Variants in NBAS observed in about 807,000 individuals in gnomAD.
NBAS encodes the protein NBAS subunit of NRZ tethering complex.
A neutral mutation model predicts 302.5 loss-of-function variants in NBAS; 219 were observed. The observed-to-expected ratio is 0.72, with a 90% CI of 0.65 to 0.81. The LOEUF (loss-of-function observed/expected upper bound fraction) is 0.81, where lower values mean the gene tolerates loss of function less well. Among genes scored for constraint, NBAS ranks in the 30% least tolerant of loss-of-function variants. NBAS has a pLI of 0.00. For synonymous variants in NBAS, 1,118 were observed against 1,021.6 expected (o/e 1.09, Z -1.80); for missense variants, 2,932 against 2,841.6 (o/e 1.03, Z -0.72).
At chr2:14,790,359 G>T in the NBAS span, among the ~76,000 whole-genome samples, 2 of 152,182 alleles carry the variant, frequency 1.3e-5, no homozygotes, top group Non-Finnish European at 2.9e-5. Flanking sequence ...AAGAACATTT[G>T]CTTTTGAGCC....
intron 44 of NBAS, among the ~76,000 whole-genome samples, chr2:15,269,425 G>A (rs1262646138): frequency 1.3e-5 from 2 of 152,048 alleles, no homozygotes; most frequent in Non-Finnish European, 2.9e-5. Flanking sequence ...TTGCATGCCG[G>A]GCTACTTTTG....
the NBAS span, among the ~76,000 whole-genome samples, chr2:14,909,671 C>G: frequency 6.6e-6 from 1 of 152,156 alleles, no homozygotes; most frequent in Non-Finnish European, 1.5e-5. Flanking sequence ...AAATGATGCA[C>G]CAGGGCAGTG....
rs1470260777 is a variant in NBAS at position 15,475,687 on chromosome 2, C to T, written c.1341G>A (p.Glu447=). The part of the protein sequence containing the change: ...ATHDGGFLSL[E]CEIKLAPKRS... ...TCAAACAAACAGGAAAAAGCCTTAC[C>T]TCCAAACTTAAAAATCCCCCATCAT... Residue 447 remains glutamate, a splice_region_variant and synonymous_variant, in exon 14 of 52, where the codon GAG becomes GAA. Coordinates refer to ENST00000281513, the MANE Select transcript of NBAS (RefSeq NM_015909.4). 2 of 1,613,746 alleles carry T rather than the reference C, an allele frequency of 1.2e-6. No homozygotes were observed. The highest frequency in any genetic ancestry group is 1.3e-5 in the African/African-American group (1 of 74,890).
At chr2:15,346,147 T>C (rs1673078211) in intron 35 of NBAS, among the ~76,000 whole-genome samples, 1 of 152,048 alleles carries the variant, frequency 6.6e-6, no homozygotes, top group African/African-American at 2.4e-5. Flanking sequence ...AAAGCCAAAA[T>C]TGACAAATTG....
At chr2:14,843,557 G>GACACACACACACACACACACAC in the NBAS span, among the ~76,000 whole-genome samples, 16 of 147,034 alleles carry the variant, frequency 1.1e-4, no homozygotes, top group African/African-American at 4.1e-4. Context: ...TACAGACACA[G>GACACACACACACACACACACAC]ACACACACAC....
chr2:15,326,151 CAAT>C (rs1672053430), intron 38 of NBAS, among the ~76,000 whole-genome samples: 1 of 152,054 alleles, frequency 6.6e-6, no homozygotes, highest in African/African-American at 2.4e-5. Context: ...GTAACAGATA[CAAT>C]AATAACGAAA....
chr2:15,399,764 G>A (rs1385599137), intron 26 of NBAS, among the ~76,000 whole-genome samples: 2 of 151,808 alleles, frequency 1.3e-5, no homozygotes, highest in Admixed American at 1.3e-4. Flanking sequence ...ATTTACATAT[G>A]AAACAGAAAC....
At position 15,561,243 on chromosome 2, in the gene NBAS, G is replaced by T; in HGVS notation, c.62C>A (p.Thr21Lys). 6.2e-7 allele frequency: 1 copy of T among 1,613,890 alleles called. No homozygotes were observed. Among genetic ancestry groups the T allele is most frequent in the Admixed American group, 1.7e-5 (1 of 60,018 alleles). The change falls in exon 1 of 52, where the codon ACG becomes AAG. Residue 21 changes from threonine (T) to lysine (K), a missense_variant. Thr to Lys is a moderately conservative substitution (Grantham distance 78). Transcript: ENST00000281513. The stretch of plus-strand genomic sequence containing the variant: ...GTTGACCAACAAGTCATAGAGAATC[G>T]TCTCCTCCTCACCCTCTGCAGTGCC... ...SPGTAEGEEE[T>K]ILYDLLVNTE...
At chr2:14,844,110 CAGGG>C in the NBAS span, among the ~76,000 whole-genome samples, 1 of 152,128 alleles carries the variant, frequency 6.6e-6, no homozygotes, top group Non-Finnish European at 1.5e-5. Flanking sequence ...CCCACAACCC[CAGGG>C]AGCACAGCTT....
the NBAS span, among the ~76,000 whole-genome samples, chr2:14,855,276 G>A: frequency 6.6e-6 from 1 of 152,016 alleles, no homozygotes; most frequent in Non-Finnish European, 1.5e-5. Flanking sequence ...GCAATACCAG[G>A]TACTACATCA....
the NBAS span, among the ~76,000 whole-genome samples, chr2:14,898,687 C>T: frequency 2.6e-5 from 4 of 152,162 alleles, no homozygotes; most frequent in African/African-American, 7.2e-5. Context: ...TTTATGTCTT[C>T]CTCATTCTCT....
At chr2:15,057,312 T>A in the NBAS span, among the ~76,000 whole-genome samples, 2 of 9,104 alleles carry the variant, frequency 2.2e-4, no homozygotes, top group Admixed American at 1.4e-3. Context: ...ATACAGAAAT[T>A]TGAAAAAAAA....
chr2:15,108,012 A>C, the NBAS span, among the ~76,000 whole-genome samples: 1 of 152,286 alleles, frequency 6.6e-6, no homozygotes, highest in South Asian at 2.1e-4. Flanking sequence ...ATCATGTATC[A>C]ATAGTTCATT....
rs750004221 is a variant in NBAS, at chr2:15,309,151, A to G, written c.4659+20T>C. On this transcript the variant is annotated intron_variant, in intron 39 of 51. Transcript: ENST00000281513. Reference sequence around the variant, plus strand: ...TCCATTTAGTCATTTTAAATTCTTCATTGGTAAGGGCAAACTTACTTGTGG... The same window carrying G: ...TCCATTTAGTCATTTTAAATTCTTCGTTGGTAAGGGCAAACTTACTTGTGG... The G allele has an allele frequency of 1.6e-5, 26 of 1,599,914 alleles. No individual in the cohort carries two copies. In the Admixed American group the frequency reaches 4.2e-4, roughly 26 times the overall value.
chr2:15,175,545 C>T (rs1289179807), intron 51 of NBAS, among the ~76,000 whole-genome samples: 4 of 152,170 alleles, frequency 2.6e-5, no homozygotes, highest in African/African-American at 9.7e-5. Context: ...AGCAGCATTG[C>T]CCATCTTAGA....
At chr2:15,558,549 T>C (rs1425065607) in intron 2 of NBAS, 31 bp downstream of exon 2, 11 of 1,583,792 alleles carry the variant, frequency 6.9e-6, no homozygotes, top group South Asian at 4.5e-5. Flanking sequence ...GTTAACCATA[T>C]CATTACTGTA....
chr2:15,382,489 T>C (rs1462911731), intron 29 of NBAS, among the ~76,000 whole-genome samples: 1 of 152,198 alleles, frequency 6.6e-6, no homozygotes. Flanking sequence ...AGATAATTAG[T>C]GAGCTGAGTT....
the NBAS span, among the ~76,000 whole-genome samples, chr2:14,832,938 A>G: frequency 2.0e-5 from 3 of 152,132 alleles, no homozygotes; most frequent in African/African-American, 7.2e-5. Flanking sequence ...ACCTCGTTGG[A>G]TAGTTATGAC....
the NBAS span, among the ~76,000 whole-genome samples, chr2:14,812,360 T>C: frequency 2.8e-4 from 42 of 152,326 alleles, no homozygotes; most frequent in Admixed American, 1.2e-3. Context: ...GGGAATTATA[T>C]AAGGAGTGCC....
Sources: gnomAD v4.1 joint callset for allele counts (sites outside exome capture counted in the v4.1 genomes callset) on GRCh38, gnomAD v4.1.1 for gene constraint, MANE v1.5 for transcripts, NCBI Gene and HGNC (gene_info 2026-07-23, HGNC 2026-07-21) for gene names.